Variants in DCDC2C observed in about 807,000 individuals in gnomAD.
DCDC2C encodes doublecortin domain-containing protein 2C.
A neutral mutation model predicts 45.0 loss-of-function variants in DCDC2C; 44 were observed. The observed-to-expected ratio is 0.98, with a 90% confidence interval of 0.77 to 1.26. The LOEUF is 1.26. Ranked by LOEUF, DCDC2C falls within the 50% of genes most tolerant of loss-of-function variation. The pLI is 0.00. For missense variants in DCDC2C, 447 were observed against 468.9 expected, an observed-to-expected ratio of 0.95 and a Z score of 0.43; for synonymous variants, 187 against 178.8, an observed-to-expected ratio of 1.05 and a Z score of -0.37.
intron 8 of DCDC2C, among the ~76,000 whole-genome samples, chr2:3,773,331 T>A (rs572604564): frequency 2.0e-5 from 3 of 152,198 alleles, no homozygotes; most frequent in Non-Finnish European, 4.4e-5. Context: ...AAAGAATTTT[T>A]AATTTTTGGT....
chr2:3,703,827 C>A lies in DCDC2C; in HGVS notation c.76C>A (p.Pro26Thr). Residue 26 changes from proline to threonine, a missense_variant, in exon 1 of 11, where the codon CCG becomes ACG. By Grantham distance (38) the Pro-to-Thr change is conservative. Coordinates refer to ENST00000399143, the MANE Select transcript of DCDC2C (RefSeq NM_001287444.2). This position sits in a 1 kb window ranked among gnomAD's most constrained non-coding sequence, Gnocchi z 4.4. ...KTIVVYRNGDPFYVGKKFVLS... is the reference protein window; with the variant it reads ...KTIVVYRNGDTFYVGKKFVLS... ...CATCGTGGTGTACCGCAACGGGGAC[C>A]CGTTCTACGTGGGCAAGAAGTTCGT... is the stretch of plus-strand genomic sequence containing the variant. The A allele has an allele frequency of 7.9e-7, 1 of 1,265,992 alleles. No individual in the cohort carries two copies. Among genetic ancestry groups the A allele is most frequent in the Non-Finnish European group, 1.0e-6 (1 of 1,001,360 alleles). 78.4% of individuals were successfully genotyped at this position (1,265,992 alleles called of 1,614,324 possible). A position where few individuals can be genotyped will look rare whatever the true frequency, so the allele number is the denominator to read the frequency against.
chr2:3,815,622 G>T (rs547367617), intron 10 of DCDC2C, among the ~76,000 whole-genome samples: 80 of 152,308 alleles, frequency 5.3e-4, no homozygotes, highest in African/African-American at 1.9e-3. Context: ...TTTCACCTGG[G>T]TGCAGGCGGG....
intron 10 of DCDC2C, among the ~76,000 whole-genome samples, chr2:3,845,570 C>A (rs201748965): frequency 2.4e-3 from 371 of 152,314 alleles, no homozygotes; most frequent in African/African-American, 8.4e-3. Flanking sequence ...CTAGAACACT[C>A]GTAACACTTT....
chr2:3,739,634 A>G (rs1669141570), intron 3 of DCDC2C, among the ~76,000 whole-genome samples: 1 of 152,230 alleles, frequency 6.6e-6, no homozygotes, highest in Admixed American at 6.5e-5. Flanking sequence ...CTCCAGGGAA[A>G]AACCGTCTCC....
intron 6 of DCDC2C, among the ~76,000 whole-genome samples, chr2:3,757,163 A>C (rs973116633): frequency 6.6e-6 from 1 of 152,226 alleles, no homozygotes; most frequent in African/African-American, 2.4e-5. Context: ...GATGATTTGC[A>C]GCAACTTAGC....
At chr2:3,817,147 C>T (rs1456162865) in intron 10 of DCDC2C, among the ~76,000 whole-genome samples, 1 of 152,204 alleles carries the variant, frequency 6.6e-6, no homozygotes, top group Non-Finnish European at 1.5e-5. Flanking sequence ...GAAGTTGGAA[C>T]ACTAGCTGCA....
intron 2 of DCDC2C, among the ~76,000 whole-genome samples, chr2:3,714,508 G>A (rs890899080): frequency 3.9e-5 from 6 of 152,134 alleles, no homozygotes; most frequent in African/African-American, 1.4e-4. Flanking sequence ...CCCCATGAAG[G>A]ATCTGTTTCA....
At chr2:3,704,835 G>A (rs1052345947) in intron 1 of DCDC2C, among the ~76,000 whole-genome samples, 4 of 151,950 alleles carry the variant, frequency 2.6e-5, no homozygotes, top group Non-Finnish European at 5.9e-5. Context: ...TTGGTCCTGC[G>A]TGCATTTTCA....
chr2:3,842,633 G>T (rs1227712444), intron 10 of DCDC2C, among the ~76,000 whole-genome samples: 8 of 57,144 alleles, frequency 1.4e-4, no homozygotes, highest in African/African-American at 5.8e-4. Context: ...AGGCTAATTT[G>T]CAGTAAAAAA....
At position 3,754,574 on chromosome 2, in the gene DCDC2C, A is replaced by C; in HGVS notation, c.684-18A>C. The C allele has an allele frequency of 6.5e-7, 1 of 1,548,620 alleles. No homozygotes were observed. The highest frequency in any genetic ancestry group is 1.2e-5 in the South Asian group (1 of 83,596). On this transcript the variant is annotated intron_variant, in intron 5 of 10. Coordinates refer to ENST00000399143, the MANE Select transcript of DCDC2C (RefSeq NM_001287444.2). ...GGCCGGGCTTTACATTTCAAGTTGA[A>C]CATCTTTTGTCTTGCAGAAGGTATG...
rs1206145935 is a variant in DCDC2C, at chr2:3,830,296, T to C, written c.1066-16858T>C. ...ATCCTGGAAATAACGAGTGCTTTTA[T>C]TGGAGGTTTTTTTTTTTGTTCATCC... On this transcript the variant is annotated intron_variant, in intron 10 of 10. Transcript: ENST00000399143. 3.9e-5 allele frequency among the ~76,000 whole-genome samples: 6 copies of C among 152,140 alleles called. No individual in the cohort carries two copies. The East Asian group carries it at 9.6e-4, about 24-fold the overall frequency.
chr2:3,842,310 A>G (rs1672232539), intron 10 of DCDC2C, among the ~76,000 whole-genome samples: 1 of 152,136 alleles, frequency 6.6e-6, no homozygotes, highest in African/African-American at 2.4e-5. Flanking sequence ...TACCACAGAG[A>G]CAACGATTGA....
rs552380374 is a variant in DCDC2C at position 3,787,576 on chromosome 2, A to G, written c.1065+2476A>G. Among the ~76,000 whole-genome samples the G allele has an allele frequency of 5.3e-5, 8 of 152,374 alleles. No homozygotes were observed. The South Asian group carries it at 1.7e-3, about 32-fold the overall frequency. On this transcript the variant is annotated intron_variant, in intron 10 of 10. Transcript: ENST00000399143. ...CAATGCCTTACTTACAGTCGACATT[A>G]ACTATATTTTTAAATGAAATTTTCT... is the stretch of plus-strand genomic sequence containing the variant.
chr2:3,730,403 TAG>T (rs1468238453), intron 3 of DCDC2C, among the ~76,000 whole-genome samples: 1 of 152,198 alleles, frequency 6.6e-6, no homozygotes, highest in African/African-American at 2.4e-5. Context: ...TAAGCTGTGT[TAG>T]CTATTGTGTC....
chr2:3,825,927 G>A (rs139508841), intron 10 of DCDC2C, among the ~76,000 whole-genome samples: 8 of 152,150 alleles, frequency 5.3e-5, no homozygotes, highest in South Asian at 2.1e-4. Flanking sequence ...CTGAGCCTTC[G>A]TGTCCTGAGG....
chr2:3,841,402 ATTATT>A (rs1672211037), intron 10 of DCDC2C, among the ~76,000 whole-genome samples: 1 of 149,992 alleles, frequency 6.7e-6, no homozygotes, highest in Non-Finnish European at 1.5e-5. Flanking sequence ...AATATTTTAT[ATTATT>A]TTATATTACA....
chr2:3,763,843 C>G (rs1439586606), intron 6 of DCDC2C, among the ~76,000 whole-genome samples: 1 of 152,126 alleles, frequency 6.6e-6, no homozygotes, highest in Non-Finnish European at 1.5e-5. Flanking sequence ...GAACTGTGCT[C>G]TTTAGTCATG....
intron 10 of DCDC2C, among the ~76,000 whole-genome samples, chr2:3,835,106 T>A (rs989555956): frequency 6.6e-6 from 1 of 152,186 alleles, no homozygotes; most frequent in African/African-American, 2.4e-5. Context: ...CCAGAGGCAA[T>A]GGAAGTGCTT....
At chr2:3,814,984 A>G in intron 10 of DCDC2C, among the ~76,000 whole-genome samples, 1 of 152,276 alleles carries the variant, frequency 6.6e-6, no homozygotes, top group Non-Finnish European at 1.5e-5. Context: ...GGCGAGTCCC[A>G]GTGCTGGCTG....
Sources: allele counts gnomAD v4.1 joint callset (sites outside exome capture counted in the v4.1 genomes callset), GRCh38; gene constraint gnomAD v4.1.1; non-coding constraint Gnocchi (gnomAD v3.1); transcripts MANE v1.5; gene names NCBI Gene and HGNC (gene_info 2026-07-23, HGNC 2026-07-21).